Variants in XKR8 observed in about 807,000 individuals in gnomAD.
XKR8 encodes the protein XK-related protein 8.
In XKR8, 10 loss-of-function variants were observed where a neutral mutation model predicts 17.1. That is an observed-to-expected ratio of 0.59 (90% CI 0.36 to 0.99). The LOEUF (loss-of-function observed/expected upper bound fraction) is 0.99, where lower values mean the gene tolerates loss of function less well. Ranked by LOEUF, XKR8 falls within the 50% of genes least tolerant of loss-of-function variation. The pLI is 0.01. For missense variants in XKR8, 411 were observed against 515.6 expected (o/e 0.80, Z 1.96); for synonymous variants, 213 against 251.9 (o/e 0.85, Z 1.46).
At chr1:27,963,911 T>C (rs1461434770) in intron 2 of XKR8, among the ~76,000 whole-genome samples, 1 of 152,210 alleles carries the variant, frequency 6.6e-6, no homozygotes, top group Non-Finnish European at 1.5e-5. Context: ...ATCTGAAATA[T>C]GGGCTTAAAT....
chr1:27,964,781 T>C (rs1638536796), intron 2 of XKR8, among the ~76,000 whole-genome samples: 1 of 152,060 alleles, frequency 6.6e-6, no homozygotes, highest in African/African-American at 2.4e-5. Context: ...TCCACAGACC[T>C]GGACAGTGGC....
In XKR8 at chr1:27,966,886, C is replaced by A; in HGVS notation, c.874C>A (p.Leu292Ile). ...CCGGGCCATCATCCACTTCGCCTTC[C>A]TCCTGAGTGACAGCATTCTCCTGGT... ...RGRAIIHFAF[L>I]LSDSILLVAT... Residue 292 changes from leucine (L) to isoleucine (I), a missense_variant, in exon 3 of 3, where the codon CTC (leucine) becomes ATC (isoleucine). Leu to Ile is a conservative substitution (Grantham distance 5). Transcript: ENST00000373884. This position sits in a 1 kb window ranked among gnomAD's most constrained non-coding sequence, Gnocchi z 4.3. 1.9e-6 allele frequency: 3 copies of A among 1,614,238 alleles called. No individual in the cohort carries two copies. Among genetic ancestry groups the A allele is most frequent in the Non-Finnish European group, 2.5e-6 (3 of 1,180,048 alleles).
chr1:27,960,249 G>C lies in XKR8; in HGVS notation c.180G>C (p.Leu60=). The C allele has an allele frequency of 6.6e-7, 1 of 1,524,696 alleles. No homozygotes were observed. The highest frequency in any genetic ancestry group is 8.7e-7 in the Non-Finnish European group (1 of 1,142,896). 94.4% of individuals were successfully genotyped at this position (1,524,696 alleles called of 1,614,324 possible). The change falls in exon 1 of 3, where the codon CTG becomes CTC. Residue 60 remains leucine, a synonymous_variant. Coordinates refer to ENST00000373884, the MANE Select transcript of XKR8 (RefSeq NM_018053.4). The surrounding 1 kb of genome is among the most constrained non-coding windows in gnomAD (Gnocchi z 5.9). ...LALLGLASVA[L]QLFSWLWLRA... ...TGCTGGGCCTGGCCTCCGTGGCGCT[G>C]CAGCTCTTCAGCTGGCTCTGGCTGC...
In XKR8 at chr1:27,966,403, A is replaced by T. The variant is rs959731757; in HGVS notation, c.491-100A>T. ...CAACAAACGAGGGATTCTAATACCT[A>T]CCCCAGGGTTGCTGGGAGGGCCCCC... On this transcript the variant is annotated intron_variant, in intron 2 of 2. Coordinates refer to ENST00000373884, the MANE Select transcript of XKR8 (RefSeq NM_018053.4). This position sits in a 1 kb window ranked among gnomAD's most constrained non-coding sequence, Gnocchi z 4.3. 1 of 1,173,716 alleles carries T rather than the reference A, an allele frequency of 8.5e-7. No individual in the cohort carries two copies. The highest frequency in any genetic ancestry group is 2.5e-5 in the Admixed American group (1 of 40,218). The allele number at this position is 1,173,716 out of a possible 1,614,324, so 72.7% of individuals were successfully genotyped here. A position where few individuals can be genotyped will look rare whatever the true frequency, so the allele number is the denominator to read the frequency against.
In XKR8 at chr1:27,965,269, T is replaced by C. The variant is rs906999788; in HGVS notation, c.491-1234T>C. Among the ~76,000 whole-genome samples the C allele has an allele frequency of 7.9e-5, 12 of 151,930 alleles. No individual in the cohort carries two copies. Among genetic ancestry groups the C allele is most frequent in the African/African-American group, 2.9e-4 (12 of 41,350 alleles). ...AAGTGCAGACAGTCTGCACTGTGAGTGTGGCAGGGGGTAAGGGGGCGAGAC... is the reference window on the plus strand; with the variant it reads ...AAGTGCAGACAGTCTGCACTGTGAGCGTGGCAGGGGGTAAGGGGGCGAGAC... On this transcript the variant is annotated intron_variant, in intron 2 of 2. Coordinates refer to ENST00000373884, the MANE Select transcript of XKR8 (RefSeq NM_018053.4). The surrounding 1 kb of genome is among the most constrained non-coding windows in gnomAD (Gnocchi z 4.1).
rs1206901863 is a variant in XKR8 at position 27,959,993 on chromosome 1, T to A, written c.-77T>A. ...GCCCCGAGGGCTGCGCCCACCTCCT[T>A]CCTGCCTCGGCAACCCCGGGCCCTG... On this transcript the variant is annotated 5_prime_UTR_variant, in exon 1 of 3. Transcript: ENST00000373884. The A allele has an allele frequency of 7.7e-7, 1 of 1,306,120 alleles. No homozygotes were observed. The highest frequency in any genetic ancestry group is 9.8e-7 in the Non-Finnish European group (1 of 1,018,666). The allele number at this position is 1,306,120 out of a possible 1,614,324, so 80.9% of individuals were successfully genotyped here.
chr1:27,965,129 TGATCTTCATTTTTAAA>T lies in XKR8; in HGVS notation c.491-1371_491-1356del, dbSNP rs1638544016. ...GCAGCCCTGTAGGTTTGTGCTATAT[TGATCTTCATTTTTAAA>T]GAGGTGCAGAAAGGTGAGTGACTTG... On this transcript the variant is annotated intron_variant, in intron 2 of 2. Coordinates refer to ENST00000373884, the MANE Select transcript of XKR8 (RefSeq NM_018053.4). This position sits in a 1 kb window ranked among gnomAD's most constrained non-coding sequence, Gnocchi z 4.1. 6.6e-6 allele frequency among the ~76,000 whole-genome samples: 1 copy of T among 152,148 alleles called. No homozygotes were observed. Among genetic ancestry groups the T allele is most frequent in the Non-Finnish European group, 1.5e-5 (1 of 68,034 alleles).
At chr1:27,961,423 G>A (rs554376875) in intron 1 of XKR8, among the ~76,000 whole-genome samples, 5 of 152,322 alleles carry the variant, frequency 3.3e-5, no homozygotes, top group Admixed American at 1.3e-4. Context: ...AAAGCCACAC[G>A]GAGTCTCCAG....
In XKR8 at chr1:27,960,481, C is replaced by A; in HGVS notation, c.293+119C>A. The A allele has an allele frequency of 9.5e-7, 1 of 1,050,068 alleles. No individual in the cohort carries two copies. The highest frequency in any genetic ancestry group is 1.3e-6 in the Non-Finnish European group (1 of 794,720). The allele number at this position is 1,050,068 out of a possible 1,614,324, so 65.0% of individuals were successfully genotyped here. A position where few individuals can be genotyped will look rare whatever the true frequency, so the allele number is the denominator to read the frequency against. ...GGGGACTGGGAGAGGGAACCAAGTC[C>A]TGTGGGCGCCTGGCCTACAGGTGAG... On this transcript the variant is annotated intron_variant, in intron 1 of 2. Transcript: ENST00000373884. This position sits in a 1 kb window ranked among gnomAD's most constrained non-coding sequence, Gnocchi z 5.9.
rs567414322 is a variant in XKR8, at chr1:27,966,444, G to A, written c.491-59G>A. The A allele has an allele frequency of 6.8e-5, 104 of 1,527,396 alleles. No homozygotes were observed. In the African/African-American group the frequency reaches 1.1e-3, roughly 17 times the overall value. 94.6% of individuals were successfully genotyped at this position (1,527,396 alleles called of 1,614,324 possible). ...GAGGGCCCCCACGGTACCTGTGACC[G>A]CTGGGGAGTGCCAAGCAGGCTGGCC... On this transcript the variant is annotated intron_variant, in intron 2 of 2. Coordinates refer to ENST00000373884, the MANE Select transcript of XKR8 (RefSeq NM_018053.4). The surrounding 1 kb of genome is among the most constrained non-coding windows in gnomAD (Gnocchi z 4.3).
intron 1 of XKR8, among the ~76,000 whole-genome samples, chr1:27,963,253 C>T (rs1282745691): frequency 3.9e-5 from 6 of 152,246 alleles, no homozygotes; most frequent in Non-Finnish European, 7.3e-5. Flanking sequence ...ATCTCCTGAA[C>T]TCGTGATCAG....
Position 27,967,591 on chromosome 1 carries a change from C to T in XKR8, c.*391C>T, listed in dbSNP as rs1320116970. On this transcript the variant is annotated 3_prime_UTR_variant, in exon 3 of 3. Transcript: ENST00000373884. This position sits in a 1 kb window ranked among gnomAD's most constrained non-coding sequence, Gnocchi z 4.3. ...CTGCCCCACCCCTTAGCTCCCCTAT[C>T]CTGGGCTAGGAGGCCACAGGGGCTG... 1 of 163,324 alleles carries T rather than the reference C, an allele frequency of 6.1e-6. No homozygotes were observed. The highest frequency in any genetic ancestry group is 1.8e-4 in the East Asian group (1 of 5,562). The allele number at this position is 163,324 out of a possible 1,614,324, so 10.1% of individuals were successfully genotyped here.
rs749851350 is a variant in XKR8, at chr1:27,966,559, C to A, written c.547C>A (p.Arg183=). 1 of 1,614,060 alleles carries A rather than the reference C, an allele frequency of 6.2e-7. No individual in the cohort carries two copies. Among genetic ancestry groups the A allele is most frequent in the Admixed American group, 1.7e-5 (1 of 60,018 alleles). ...GISWALLDYH[R]ALRTCLPSKP... ...CTCGTGGGCACTGCTCGACTACCAC[C>A]GGGCCTTGCGCACCTGCCTCCCCTC... The change falls in exon 3 of 3, where the codon CGG becomes AGG. Residue 183 remains arginine, a synonymous_variant. Transcript: ENST00000373884. This position sits in a 1 kb window ranked among gnomAD's most constrained non-coding sequence, Gnocchi z 4.3.
At position 27,960,945 on chromosome 1, in the gene XKR8, G is replaced by A. The variant is rs1459951152; in HGVS notation, c.293+583G>A. On this transcript the variant is annotated intron_variant, in intron 1 of 2. Transcript: ENST00000373884. The surrounding 1 kb of genome is among the most constrained non-coding windows in gnomAD (Gnocchi z 5.9). ...TGGGGATAGCGCCTGCCCGTTTGGT[G>A]AAGATGCAGTGAAATGACATCTGTC... 3.9e-5 allele frequency among the ~76,000 whole-genome samples: 6 copies of A among 152,198 alleles called. No individual in the cohort carries two copies. Among genetic ancestry groups the A allele is most frequent in the African/African-American group, 1.4e-4 (6 of 41,458 alleles).
At chr1:27,963,737 G>C in intron 2 of XKR8, 44 bp downstream of exon 2, 1 of 1,465,314 alleles carries the variant, frequency 6.8e-7, no homozygotes, top group African/African-American at 1.4e-5. Context: ...TGGCTTGGTG[G>C]GGGGTCTCTC....
At position 27,965,890 on chromosome 1, in the gene XKR8, G is replaced by A. The variant is rs1235329305; in HGVS notation, c.491-613G>A. Among the ~76,000 whole-genome samples the A allele has an allele frequency of 6.6e-6, 1 of 152,142 alleles. No individual in the cohort carries two copies. The highest frequency in any genetic ancestry group is 1.5e-5 in the Non-Finnish European group (1 of 68,020). On this transcript the variant is annotated intron_variant, in intron 2 of 2. Transcript: ENST00000373884. The surrounding 1 kb of genome is among the most constrained non-coding windows in gnomAD (Gnocchi z 4.1). Reference sequence around the variant, plus strand: ...GGATTGGCAACCAGGAGGTGGGATAGGACCCCTGTTGTAAACTTCTGGATC... The same window carrying A: ...GGATTGGCAACCAGGAGGTGGGATAAGACCCCTGTTGTAAACTTCTGGATC...
At chr1:27,962,273 T>G (rs1175489792) in intron 1 of XKR8, among the ~76,000 whole-genome samples, 1 of 152,212 alleles carries the variant, frequency 6.6e-6, no homozygotes, top group Admixed American at 6.5e-5. Flanking sequence ...TGTTTGTTTT[T>G]TAAAAAGAGG....
At position 27,966,631 on chromosome 1, in the gene XKR8, A is replaced by G; in HGVS notation, c.619A>G (p.Asn207Asp). ...CTCCTCCGTGATCTACTTCCTGTGG[A>G]ACCTGCTGCTGCTGTGGCCCCGAGT... is the stretch of plus-strand genomic sequence containing the variant. The part of the protein sequence containing the change: ...LGSSVIYFLW[N>D]LLLLWPRVLA... Residue 207 changes from asparagine (N) to aspartate (D), a missense_variant, in exon 3 of 3, where the codon AAC becomes GAC. Transcript: ENST00000373884. The surrounding 1 kb of genome is among the most constrained non-coding windows in gnomAD (Gnocchi z 4.3). The G allele has an allele frequency of 6.2e-7, 1 of 1,613,898 alleles. No individual in the cohort carries two copies. The highest frequency in any genetic ancestry group is 2.2e-5 in the East Asian group (1 of 44,870).
rs544266439 is a variant in XKR8, at chr1:27,966,288, G to A, written c.491-215G>A. On this transcript the variant is annotated intron_variant, in intron 2 of 2. Coordinates refer to ENST00000373884, the MANE Select transcript of XKR8 (RefSeq NM_018053.4). The surrounding 1 kb of genome is among the most constrained non-coding windows in gnomAD (Gnocchi z 4.3). ...GATAGCACCTACGCAGCAAAGCGCTGTGGTGAGGGGCAGGCTCTATATTAG... is the reference window on the plus strand; with the variant it reads ...GATAGCACCTACGCAGCAAAGCGCTATGGTGAGGGGCAGGCTCTATATTAG... Among the ~76,000 whole-genome samples, 2 of 152,306 alleles carry A rather than the reference G, an allele frequency of 1.3e-5. No individual in the cohort carries two copies. The highest frequency in any genetic ancestry group is 2.1e-4 in the South Asian group (1 of 4,830).
Sources: gnomAD v4.1 joint callset for allele counts (sites outside exome capture counted in the v4.1 genomes callset) on GRCh38, gnomAD v4.1.1 for gene constraint, Gnocchi (gnomAD v3.1) non-coding constraint, MANE v1.5 for transcripts, NCBI Gene and HGNC (gene_info 2026-07-23, HGNC 2026-07-21) for gene names.